The following LTBP1 variants were observed in gnomAD, a reference collection of about 807,000 sequenced individuals.
LTBP1 encodes latent-transforming growth factor beta-binding protein 1.
In LTBP1, 129 loss-of-function variants were observed where a neutral mutation model predicts 207.6. That is an observed-to-expected ratio of 0.62 (90% CI 0.54 to 0.72). LTBP1 has a LOEUF of 0.72. Among genes scored for constraint, LTBP1 ranks in the 30% least tolerant of loss-of-function variants. LTBP1 has a pLI of 0.00. For missense variants in LTBP1, 2,281 were observed against 2,217.2 expected (o/e 1.03, Z -0.58); for synonymous variants, 963 against 833.7 (o/e 1.16, Z -2.67).
At chr2:33,188,923 C>A in intron 7 of LTBP1, 72 bp downstream of exon 7, 1 of 1,494,780 alleles carries the variant, frequency 6.7e-7, no homozygotes, top group Non-Finnish European at 9.0e-7. Context: ...GAAAGCCAGA[C>A]TTGATAAAAA....
intron 23 of LTBP1, among the ~76,000 whole-genome samples, chr2:33,310,384 A>G (rs2094166542): frequency 6.6e-6 from 1 of 152,214 alleles, no homozygotes; most frequent in African/African-American, 2.4e-5. Context: ...ACTAATGAAA[A>G]CACAGCAACA....
At chr2:33,271,158 T>C (rs1236475954) in intron 15 of LTBP1, among the ~76,000 whole-genome samples, 1 of 152,230 alleles carries the variant, frequency 6.6e-6, no homozygotes, top group Admixed American at 6.5e-5. Context: ...CCCTGCCAAA[T>C]GACAAATACT....
intron 3 of LTBP1, among the ~76,000 whole-genome samples, chr2:33,084,567 G>A (rs2078639453): frequency 6.6e-6 from 1 of 152,068 alleles, no homozygotes; most frequent in African/African-American, 2.4e-5. Flanking sequence ...GTTGAGAGGG[G>A]TGTAACATAC....
At chr2:33,135,027 C>T in intron 5 of LTBP1, 67 bp downstream of exon 5, 1 of 1,461,240 alleles carries the variant, frequency 6.8e-7, no homozygotes, top group Non-Finnish European at 9.2e-7. Context: ...AGCATTTAGA[C>T]ACCCCCTCCA....
chr2:33,265,250 A>T (rs1169591721), intron 15 of LTBP1, among the ~76,000 whole-genome samples: 1 of 152,240 alleles, frequency 6.6e-6, no homozygotes, highest in Non-Finnish European at 1.5e-5. Flanking sequence ...GACTCATGAA[A>T]TTAACCTTCA....
chr2:33,174,089 G>C (rs375612046), intron 5 of LTBP1, among the ~76,000 whole-genome samples: 25 of 142,826 alleles, frequency 1.8e-4, no homozygotes, highest in East Asian at 8.1e-4. Flanking sequence ...CCTTTGAAAA[G>C]TGGCACAAGA....
chr2:33,165,868 T>C (rs2084870581), intron 5 of LTBP1, among the ~76,000 whole-genome samples: 2 of 152,326 alleles, frequency 1.3e-5, no homozygotes, highest in East Asian at 1.9e-4. Context: ...TTATTCCAAA[T>C]GGCTTGTGAA....
chr2:33,148,130 G>T (rs2083202764), intron 5 of LTBP1, among the ~76,000 whole-genome samples: 1 of 152,186 alleles, frequency 6.6e-6, no homozygotes, highest in African/African-American at 2.4e-5. Flanking sequence ...CTAGTAATAG[G>T]ACAGATATTT....
At chr2:33,064,799 G>A (rs950672553) in intron 3 of LTBP1, among the ~76,000 whole-genome samples, 1 of 152,090 alleles carries the variant, frequency 6.6e-6, no homozygotes, top group Admixed American at 6.5e-5. Flanking sequence ...AAGGCACATG[G>A]GTAATTTTTT....
intron 25 of LTBP1, among the ~76,000 whole-genome samples, chr2:33,346,882 C>A (rs1053722100): frequency 6.6e-6 from 1 of 151,958 alleles, no homozygotes; most frequent in African/African-American, 2.4e-5. Flanking sequence ...TTTTGGAGGC[C>A]GAGGTGGGCG....
chr2:33,041,203 C>T (rs1264507557), intron 3 of LTBP1, among the ~76,000 whole-genome samples: 1 of 152,116 alleles, frequency 6.6e-6, no homozygotes, highest in Non-Finnish European at 1.5e-5. Flanking sequence ...TTGTCTGGGT[C>T]AGGCCTCTTT....
chr2:33,229,397 C>T lies in LTBP1; in HGVS notation c.1876+7246C>T, dbSNP rs190985309. Among the ~76,000 whole-genome samples the T allele has an allele frequency of 1.8e-4, 28 of 152,120 alleles. No individual in the cohort carries two copies. The East Asian group carries it at 5.2e-3, about 28-fold the overall frequency. On this transcript the variant is annotated intron_variant, in intron 9 of 33. Transcript: ENST00000404816. Reference sequence around the variant, plus strand: ...GCTGAGGCAGAAGGGTTGCTTGAGTCCGGGAGTTCGAGGCTGCAGTGAGCT... The same window carrying T: ...GCTGAGGCAGAAGGGTTGCTTGAGTTCGGGAGTTCGAGGCTGCAGTGAGCT...
chr2:33,136,990 G>A (rs775963213), intron 5 of LTBP1, among the ~76,000 whole-genome samples: 1 of 152,068 alleles, frequency 6.6e-6, no homozygotes, highest in Non-Finnish European at 1.5e-5. Flanking sequence ...TGGAAATTGT[G>A]GGAAACATTT....
intron 31 of LTBP1, among the ~76,000 whole-genome samples, chr2:33,387,736 G>GTTT (rs5830256): frequency 0.012 from 1,766 of 147,860 alleles, 14 homozygotes; most frequent in African/African-American, 0.015. Flanking sequence ...CCTTGGTGGG[G>GTTT]TTTTTTTTTT....
chr2:33,175,090 G>A (rs913421896), intron 5 of LTBP1, among the ~76,000 whole-genome samples: 1 of 152,076 alleles, frequency 6.6e-6, no homozygotes, highest in Non-Finnish European at 1.5e-5. Flanking sequence ...TCAGGACATA[G>A]GCATGGGCAA....
chr2:33,332,169 C>T (rs1246665711), intron 24 of LTBP1, among the ~76,000 whole-genome samples: 1 of 151,504 alleles, frequency 6.6e-6, no homozygotes, highest in Non-Finnish European at 1.5e-5. Context: ...TATACACAAG[C>T]AAAATAATTA....
At chr2:33,354,152 C>T (rs1219978684) in intron 26 of LTBP1, among the ~76,000 whole-genome samples, 3 of 152,110 alleles carry the variant, frequency 2.0e-5, no homozygotes, top group Non-Finnish European at 4.4e-5. Flanking sequence ...AGTGAGCCAC[C>T]GCGCTCGGCC....
intron 5 of LTBP1, among the ~76,000 whole-genome samples, chr2:33,180,726 G>A (rs2086538996): frequency 6.6e-6 from 1 of 152,142 alleles, no homozygotes; most frequent in African/African-American, 2.4e-5. Flanking sequence ...AAAGTGCTGG[G>A]ATTACAGGTG....
chr2:33,152,844 C>G (rs770894766), intron 5 of LTBP1, among the ~76,000 whole-genome samples: 1 of 152,194 alleles, frequency 6.6e-6, no homozygotes. Flanking sequence ...AAGCTAAATA[C>G]TTAACTACAG....
Sources: gnomAD v4.1 joint callset for allele counts (sites outside exome capture counted in the v4.1 genomes callset) on GRCh38, gnomAD v4.1.1 for gene constraint, MANE v1.5 for transcripts, NCBI Gene and HGNC (gene_info 2026-07-23, HGNC 2026-07-21) for gene names.